PCSK5: variants seen among roughly 807,000 people sequenced by gnomAD.
PCSK5 encodes the protein proprotein convertase subtilisin/kexin type 5.
In PCSK5, 129 loss-of-function variants were observed where a neutral mutation model predicts 233.2. The ratio of observed to expected loss-of-function variants is 0.55; its 90% CI spans 0.48 to 0.64. The LOEUF (loss-of-function observed/expected upper bound fraction) is 0.64. Ranked by LOEUF, PCSK5 falls within the 30% of genes least tolerant of loss-of-function variation. PCSK5 has a pLI of 0.00. For synonymous variants in PCSK5, 825 were observed against 879.2 expected (o/e 0.94, Z 1.09); for missense variants, 2,076 against 2,430.1 (o/e 0.85, Z 3.06).
Position 76,096,119 on chromosome 9 carries a change from T to G in PCSK5, c.1107+17T>G. 1 of 1,559,302 alleles carries G rather than the reference T, an allele frequency of 6.4e-7. No homozygotes were observed. ...AAGAAAATCGTACGTGACATGTGCATGCCCATCATGATCTGTTTATTTAAT... is the reference window on the plus strand; with the variant it reads ...AAGAAAATCGTACGTGACATGTGCAGGCCCATCATGATCTGTTTATTTAAT... On this transcript the variant is annotated intron_variant, in intron 8 of 37. Transcript: ENST00000674117.
At chr9:76,043,002 T>G (rs1829188861) in intron 5 of PCSK5, among the ~76,000 whole-genome samples, 1 of 152,148 alleles carries the variant, frequency 6.6e-6, no homozygotes, top group South Asian at 2.1e-4. Flanking sequence ...TGCCAAGATT[T>G]TCCATTGCTA....
At chr9:76,230,813 C>T (rs945830412) in intron 21 of PCSK5, among the ~76,000 whole-genome samples, 2 of 152,058 alleles carry the variant, frequency 1.3e-5, no homozygotes, top group African/African-American at 4.8e-5. Context: ...TGCCTCCCGT[C>T]ATCCCCAGAT....
At chr9:76,000,467 T>C (rs982844129) in intron 3 of PCSK5, among the ~76,000 whole-genome samples, 1 of 152,190 alleles carries the variant, frequency 6.6e-6, no homozygotes, top group African/African-American at 2.4e-5. Flanking sequence ...TTCATTGAGG[T>C]TTGCCAGATA....
intron 2 of PCSK5, among the ~76,000 whole-genome samples, chr9:75,953,509 G>C (rs936585920): frequency 6.6e-6 from 1 of 152,108 alleles, no homozygotes; most frequent in African/African-American, 2.4e-5. Context: ...TTTTGGCCAG[G>C]AATCTGGTAC....
chr9:76,155,622 GGGATGGATGATGAATGGATGAATGGAT>G (rs1587695472), intron 10 of PCSK5, among the ~76,000 whole-genome samples: 1 of 152,170 alleles, frequency 6.6e-6, no homozygotes, highest in East Asian at 1.9e-4. Context: ...GATGGATGGA[GGGATGGATGATGAATGGATGAATGGAT>G]GGATGGATGG....
At chr9:76,084,504 T>C (rs1159836685) in intron 7 of PCSK5, among the ~76,000 whole-genome samples, 1 of 152,228 alleles carries the variant, frequency 6.6e-6, no homozygotes, top group African/African-American at 2.4e-5. Context: ...TAATCAGTTA[T>C]CAATAACAGT....
intron 10 of PCSK5, among the ~76,000 whole-genome samples, chr9:76,147,467 C>A (rs1407287217): frequency 1.3e-5 from 2 of 152,144 alleles, no homozygotes; most frequent in Non-Finnish European, 2.9e-5. Flanking sequence ...GAGATGCCAT[C>A]CCTAATAACC....
At chr9:76,202,380 C>G (rs1314831756) in intron 20 of PCSK5, among the ~76,000 whole-genome samples, 1 of 152,226 alleles carries the variant, frequency 6.6e-6, no homozygotes, top group Non-Finnish European at 1.5e-5. Context: ...ATCTCCTATT[C>G]CATTTTCCAC....
intron 5 of PCSK5, among the ~76,000 whole-genome samples, chr9:76,031,508 G>A (rs1257597156): frequency 6.6e-6 from 1 of 152,086 alleles, no homozygotes. Flanking sequence ...GGAAACATAG[G>A]GAGACCCTGT....
At chr9:76,164,504 G>T (rs1457195536) in intron 12 of PCSK5, among the ~76,000 whole-genome samples, 1 of 152,164 alleles carries the variant, frequency 6.6e-6, no homozygotes, top group African/African-American at 2.4e-5. Context: ...TATTTACACA[G>T]TGCTTCTCCA....
chr9:76,077,975 G>T (rs1830698208), intron 7 of PCSK5, among the ~76,000 whole-genome samples: 1 of 152,120 alleles, frequency 6.6e-6, no homozygotes, highest in Non-Finnish European at 1.5e-5. Flanking sequence ...TCTTTGAGAA[G>T]TCTCCAGACT....
At chr9:76,025,278 G>A (rs757924141) in intron 4 of PCSK5, among the ~76,000 whole-genome samples, 2 of 152,104 alleles carry the variant, frequency 1.3e-5, no homozygotes, top group African/African-American at 2.4e-5. Flanking sequence ...TAGGTGCAGT[G>A]GCTCACACCT....
At chr9:75,935,346 C>T (rs975819893) in intron 2 of PCSK5, among the ~76,000 whole-genome samples, 3 of 152,146 alleles carry the variant, frequency 2.0e-5, no homozygotes, top group Non-Finnish European at 2.9e-5. Context: ...GGATTACAGG[C>T]GTGAGCCACT....
intron 10 of PCSK5, among the ~76,000 whole-genome samples, chr9:76,143,581 G>T (rs1823316076): frequency 6.6e-6 from 1 of 152,048 alleles, no homozygotes; most frequent in Admixed American, 6.6e-5. Flanking sequence ...GTCTTGCAGT[G>T]ATCATTTTGT....
At chr9:75,969,290 A>C (rs1825720734) in intron 2 of PCSK5, among the ~76,000 whole-genome samples, 1 of 152,216 alleles carries the variant, frequency 6.6e-6, no homozygotes, top group Non-Finnish European at 1.5e-5. Context: ...CTAACTACAC[A>C]GAATCTCAGA....
rs772235475 is a variant in PCSK5, at chr9:76,321,579, G to C, written c.4042G>C (p.Gly1348Arg). 2.0e-5 allele frequency: 32 copies of C among 1,612,608 alleles called. No homozygotes were observed. The South Asian group carries it at 3.2e-4, about 16-fold the overall frequency. ...CCCCGAGAGGCACGTGGCTGTGAAG[G>C]GGGTATGCAAGCATTGCCCAGAGAT... The part of the protein sequence containing the change: ...NCPERHVAVK[G>R]VCKHCPEMCQ... Residue 1348 changes from glycine (G) to arginine (R), a missense_variant, in exon 31 of 38, where the codon GGG (glycine) becomes CGG (arginine). Transcript: ENST00000674117.
chr9:76,155,978 T>C (rs1306564510), intron 10 of PCSK5, among the ~76,000 whole-genome samples: 1 of 152,196 alleles, frequency 6.6e-6, no homozygotes, highest in Non-Finnish European at 1.5e-5. Flanking sequence ...GATGAGGTTG[T>C]TTTGCAAGTA....
At chr9:76,096,168 G>A (rs1057159797) in intron 8 of PCSK5, 66 bp downstream of exon 8, 7 of 959,154 alleles carry the variant, frequency 7.3e-6, no homozygotes, top group Non-Finnish European at 1.1e-5. Context: ...TACAAAGGGA[G>A]AACCATAAAC....
intron 20 of PCSK5, among the ~76,000 whole-genome samples, chr9:76,208,747 G>A (rs1486363544): frequency 6.6e-6 from 1 of 152,126 alleles, no homozygotes; most frequent in African/African-American, 2.4e-5. Flanking sequence ...TTAACTATTA[G>A]GCAGAGAAGA....
Sources: gnomAD v4.1 joint callset for allele counts (sites outside exome capture counted in the v4.1 genomes callset) on GRCh38, gnomAD v4.1.1 for gene constraint, MANE v1.5 for transcripts, NCBI Gene and HGNC (gene_info 2026-07-23, HGNC 2026-07-21) for gene names.